Variants in NKAIN3 observed in about 807,000 individuals in gnomAD.
NKAIN3 encodes the protein sodium/potassium transporting ATPase interacting 3, also known as sodium/potassium-transporting ATPase subunit beta-1-interacting protein 3.
NKAIN3 carries 25 observed loss-of-function variants against 30.2 expected under a neutral mutation model. The observed-to-expected ratio is 0.83, with a 90% CI of 0.60 to 1.16. NKAIN3 has a LOEUF of 1.16. Ranked by LOEUF, NKAIN3 falls within the 50% of genes most tolerant of loss-of-function variation. The pLI is 0.00. For synonymous variants in NKAIN3, 91 were observed against 89.6 expected (o/e 1.02, Z -0.09); for missense variants, 225 against 254.1 (o/e 0.89, Z 0.78).
At chr8:62,374,113 CAAAAAAAAAAAAAA>C (rs66521184) in intron 1 of NKAIN3, among the ~76,000 whole-genome samples, 16 of 64,332 alleles carry the variant, frequency 2.5e-4, no homozygotes, top group Non-Finnish European at 4.4e-4. Context: ...ACTCCATCTC[CAAAAAAAAAAAAAA>C]AAAAAAAAAA....
At chr8:62,502,257 C>T (rs945425248) in intron 1 of NKAIN3, among the ~76,000 whole-genome samples, 2 of 152,108 alleles carry the variant, frequency 1.3e-5, no homozygotes, top group Non-Finnish European at 2.9e-5. Flanking sequence ...TGTTCTATCT[C>T]TAGTCTTCCA....
rs113156623 is a variant in NKAIN3 at position 62,425,854 on chromosome 8, C to T, written c.55-153685C>T. The stretch of plus-strand genomic sequence containing the variant: ...TTGTTTTGCTCTAGTATCCTCTGCA[C>T]GTTCCATGTCTGTCTTACTTGTATG... On this transcript the variant is annotated intron_variant, in intron 1 of 6. Transcript: ENST00000623646. 2.0e-3 allele frequency among the ~76,000 whole-genome samples: 307 copies of T among 151,970 alleles called. 1 individual carries two copies. The highest frequency in any genetic ancestry group is 7.0e-3 in the African/African-American group (291 of 41,512).
chr8:62,637,854 A>C (rs1812182477), intron 3 of NKAIN3, among the ~76,000 whole-genome samples: 1 of 152,112 alleles, frequency 6.6e-6, no homozygotes, highest in Non-Finnish European at 1.5e-5. Flanking sequence ...AGGTTCCACA[A>C]GGTGAGATAT....
chr8:62,366,840 G>A (rs1488518900), intron 1 of NKAIN3, among the ~76,000 whole-genome samples: 4 of 151,958 alleles, frequency 2.6e-5, no homozygotes, highest in South Asian at 2.1e-4. Context: ...GCTACAAACC[G>A]CCCTCTTTGA....
At chr8:62,797,803 G>A (rs771373863) in intron 4 of NKAIN3, among the ~76,000 whole-genome samples, 14 of 152,048 alleles carry the variant, frequency 9.2e-5, no homozygotes, top group Non-Finnish European at 1.5e-4. Flanking sequence ...GTTAAGATAC[G>A]GTCACAGTGG....
At chr8:62,785,464 A>T (rs1450299817) in intron 4 of NKAIN3, among the ~76,000 whole-genome samples, 3 of 152,094 alleles carry the variant, frequency 2.0e-5, no homozygotes, top group Admixed American at 1.3e-4. Flanking sequence ...GTTAATGGGC[A>T]TTGGGTTTCT....
chr8:62,575,884 A>G (rs1247674332), intron 1 of NKAIN3, among the ~76,000 whole-genome samples: 1 of 152,156 alleles, frequency 6.6e-6, no homozygotes, highest in Non-Finnish European at 1.5e-5. Flanking sequence ...TCTTTTCAAT[A>G]AATGGGTCAG....
Position 62,965,346 on chromosome 8 carries a change from T to C in NKAIN3, c.604-8T>C. ...GTTCTTGAAAGCAATTCGTATTTTC[T>C]GTTTTAGGTCGAAATAAGTAATGAC... On this transcript the variant is annotated splice_polypyrimidine_tract_variant and splice_region_variant and intron_variant, in intron 6 of 6. Coordinates refer to ENST00000623646, the MANE Select transcript of NKAIN3 (RefSeq NM_001304533.3). The C allele has an allele frequency of 1.0e-6, 1 of 985,818 alleles. No homozygotes were observed. The highest frequency in any genetic ancestry group is 1.2e-6 in the Non-Finnish European group (1 of 829,888). The allele number at this position is 985,818 out of a possible 1,614,324, so 61.1% of individuals were successfully genotyped here.
chr8:62,729,052 A>AAAAAAAAAAAAAAAAAAAAAAAC (rs1815382295), intron 3 of NKAIN3, among the ~76,000 whole-genome samples: 1 of 138,384 alleles, frequency 7.2e-6, no homozygotes, highest in Admixed American at 7.3e-5. Flanking sequence ...AAAAAAAAAA[A>AAAAAAAAAAAAAAAAAAAAAAAC]CCTCCTGCTC....
chr8:62,801,878 T>A (rs1818076255), intron 4 of NKAIN3, among the ~76,000 whole-genome samples: 1 of 152,102 alleles, frequency 6.6e-6, no homozygotes, highest in African/African-American at 2.4e-5. Flanking sequence ...TGAAAAAAAT[T>A]TAGACGAATG....
chr8:62,747,698 T>G (rs1357385793), intron 4 of NKAIN3, among the ~76,000 whole-genome samples: 2 of 152,182 alleles, frequency 1.3e-5, no homozygotes, highest in Non-Finnish European at 2.9e-5. Flanking sequence ...TAAAAGTAAT[T>G]TTATTCCACC....
intron 1 of NKAIN3, among the ~76,000 whole-genome samples, chr8:62,255,081 T>C (rs1812224659): frequency 6.6e-6 from 1 of 152,240 alleles, no homozygotes; most frequent in Non-Finnish European, 1.5e-5. Flanking sequence ...TATTTGGAAA[T>C]GTGGTTTTTA....
intron 1 of NKAIN3, among the ~76,000 whole-genome samples, chr8:62,525,601 G>T (rs73683323): frequency 0.039 from 5,879 of 152,170 alleles, 392 homozygotes; most frequent in African/African-American, 0.13. Flanking sequence ...GGCACATGCA[G>T]GTGTCTACTT....
intron 1 of NKAIN3, among the ~76,000 whole-genome samples, chr8:62,400,301 A>G (rs376871059): frequency 1.2e-3 from 174 of 150,640 alleles, no homozygotes; most frequent in African/African-American, 4.1e-3. Context: ...GCCCCCCAGT[A>G]GCTGGGATTA....
chr8:62,379,918 A>T (rs1283049323), intron 1 of NKAIN3, among the ~76,000 whole-genome samples: 1 of 152,154 alleles, frequency 6.6e-6, no homozygotes, highest in African/African-American at 2.4e-5. Context: ...ACAGATGAGG[A>T]TACAGAGGCT....
At chr8:62,387,281 A>C (rs1436650300) in intron 1 of NKAIN3, among the ~76,000 whole-genome samples, 1 of 150,762 alleles carries the variant, frequency 6.6e-6, no homozygotes, top group Non-Finnish European at 1.5e-5. Context: ...TTTTCAATAA[A>C]ACTGGAATAT....
intron 4 of NKAIN3, among the ~76,000 whole-genome samples, chr8:62,898,795 T>G (rs1316991471): frequency 2.0e-5 from 3 of 150,166 alleles, no homozygotes; most frequent in Non-Finnish European, 4.4e-5. Flanking sequence ...GAAGAGATGA[T>G]GTACAGAATG....
At chr8:62,299,283 C>T (rs568866434) in intron 1 of NKAIN3, among the ~76,000 whole-genome samples, 1 of 152,140 alleles carries the variant, frequency 6.6e-6, no homozygotes, top group African/African-American at 2.4e-5. Flanking sequence ...ATTTATTATC[C>T]TCCCTGTTTC....
chr8:62,404,950 A>G (rs1804016020), intron 1 of NKAIN3, among the ~76,000 whole-genome samples: 1 of 152,042 alleles, frequency 6.6e-6, no homozygotes, highest in Non-Finnish European at 1.5e-5. Flanking sequence ...TTCAGGGCCC[A>G]AGGACTCTTT....
Sources: allele counts gnomAD v4.1 joint callset (sites outside exome capture counted in the v4.1 genomes callset), GRCh38; gene constraint gnomAD v4.1.1; transcripts MANE v1.5; gene names NCBI Gene and HGNC (gene_info 2026-07-23, HGNC 2026-07-21).